The following ODAD4 variants were observed in gnomAD, a reference collection of about 807,000 sequenced individuals.
The protein encoded by ODAD4 is outer dynein arm-docking complex subunit 4.
In ODAD4, 49 loss-of-function variants were observed where a neutral mutation model predicts 51.8. The ratio of observed to expected loss-of-function variants is 0.95; its 90% confidence interval spans 0.75 to 1.20. ODAD4 has a LOEUF of 1.20. Ranked by LOEUF, ODAD4 falls within the 50% of genes most tolerant of loss-of-function variation. The pLI is 0.00. For missense variants in ODAD4, 590 were observed against 586.5 expected, an observed-to-expected ratio of 1.01 and a Z score of -0.06; for synonymous variants, 235 against 221.3, an observed-to-expected ratio of 1.06 and a Z score of -0.55.
At chr17:41,933,435 G>A (rs1351095088) in intron 1 of ODAD4, among the ~76,000 whole-genome samples, 6 of 151,740 alleles carry the variant, frequency 4.0e-5, no homozygotes, top group East Asian at 1.9e-4. Context: ...TGGATCACCT[G>A]AGGTCAGGTG....
Position 41,931,988 on chromosome 17 carries a change from C to G in ODAD4, c.114+1151C>G, listed in dbSNP as rs141758845. 3.7e-3 allele frequency among the ~76,000 whole-genome samples: 554 copies of G among 151,672 alleles called. 6 individuals are homozygous for G. Among genetic ancestry groups the G allele is most frequent in the African/African-American group, 0.013 (535 of 41,322 alleles). ...GTCTCCAGGCTGGAGTGCAATGGTG[C>G]GATCTTGGCTCACTGCAACCTCCAC... On this transcript the variant is annotated intron_variant, in intron 1 of 11. Transcript: ENST00000377540.
intron 5 of ODAD4, among the ~76,000 whole-genome samples, chr17:41,937,643 T>G (rs2050446686): frequency 6.6e-6 from 1 of 152,188 alleles, no homozygotes. Flanking sequence ...GCTAATTTTT[T>G]GTATTTTTAG....
chr17:41,964,750 T>A (rs964462284), intron 11 of ODAD4, among the ~76,000 whole-genome samples: 1 of 152,082 alleles, frequency 6.6e-6, no homozygotes, highest in Non-Finnish European at 1.5e-5. Context: ...CTCAAGCGAT[T>A]CTTCTGCCTC....
At chr17:41,943,971 G>A (rs921406173) in intron 7 of ODAD4, among the ~76,000 whole-genome samples, 13 of 152,168 alleles carry the variant, frequency 8.5e-5, no homozygotes, top group South Asian at 8.3e-4. Flanking sequence ...AGGCCGAGGC[G>A]GGTGAATCAC....
chr17:41,955,437 ATTTGT>A, intron 10 of ODAD4, 120 bp downstream of exon 10: 1 of 614,496 alleles, frequency 1.6e-6, no homozygotes, highest in Non-Finnish European at 2.9e-6. Flanking sequence ...TTGTTTGTTT[ATTTGT>A]TTTGAGACAG....
chr17:41,941,734 T>C (rs1305419182), intron 7 of ODAD4, among the ~76,000 whole-genome samples: 1 of 138,404 alleles, frequency 7.2e-6, no homozygotes, highest in Non-Finnish European at 1.5e-5. Flanking sequence ...TGAGCCGAGA[T>C]AGTGACTGGG....
chr17:41,932,537 T>G (rs143984260), intron 1 of ODAD4, among the ~76,000 whole-genome samples: 1,925 of 151,132 alleles, frequency 0.013, 25 homozygotes, highest in Non-Finnish European at 0.016. Flanking sequence ...AAACTGTTGT[T>G]TTTTTTTTGT....
At chr17:41,934,865 C>A (rs1305667276) in intron 1 of ODAD4, among the ~76,000 whole-genome samples, 1 of 152,140 alleles carries the variant, frequency 6.6e-6, no homozygotes, top group Non-Finnish European at 1.5e-5. Context: ...CCCTACAGTT[C>A]TATTGCCTGA....
At position 41,955,345 on chromosome 17, in the gene ODAD4, G is replaced by A. The variant is rs782332039; in HGVS notation, c.1443+28G>A. 3 of 756,582 alleles carry A rather than the reference G, an allele frequency of 4.0e-6. No homozygotes were observed. The South Asian group carries it at 4.2e-5, about 11-fold the overall frequency. 46.9% of individuals were successfully genotyped at this position (756,582 alleles called of 1,614,324 possible). A position where few individuals can be genotyped will look rare whatever the true frequency, so the allele number is the denominator to read the frequency against. ...GAGCCTTTCCACCCGCCGGGCTTCG[G>A]GTGTCAGGAGTGGGGTTGGGTGGTC... On this transcript the variant is annotated intron_variant, in intron 10 of 11. Transcript: ENST00000377540.
chr17:41,950,292 A>G (rs2144519559), intron 9 of ODAD4, among the ~76,000 whole-genome samples: 1 of 151,616 alleles, frequency 6.6e-6, no homozygotes, highest in Non-Finnish European at 1.5e-5. Flanking sequence ...TTGAATCATT[A>G]TGATGTAGGT....
At chr17:41,933,652 CAA>C (rs1184625891) in intron 1 of ODAD4, among the ~76,000 whole-genome samples, 1 of 137,466 alleles carries the variant, frequency 7.3e-6, no homozygotes. Flanking sequence ...AACGCCATCT[CAA>C]AAAAAAAAAA....
At chr17:41,964,716 TC>T (rs1486841443) in intron 11 of ODAD4, among the ~76,000 whole-genome samples, 1 of 152,094 alleles carries the variant, frequency 6.6e-6, no homozygotes, top group African/African-American at 2.4e-5. Context: ...GGATTTTGGC[TC>T]ATCACAGCCC....
intron 8 of ODAD4, among the ~76,000 whole-genome samples, chr17:41,946,390 A>G (rs150704510): frequency 0.013 from 2,010 of 152,256 alleles, 32 homozygotes; most frequent in Non-Finnish European, 0.019. Flanking sequence ...CAATGGCACA[A>G]TCTCAGCTCA....
chr17:41,957,448 C>T (rs1327358530), intron 10 of ODAD4, among the ~76,000 whole-genome samples: 2 of 152,206 alleles, frequency 1.3e-5, no homozygotes, highest in East Asian at 1.9e-4. Flanking sequence ...GCTCACTTGC[C>T]GACCCTCCGC....
intron 8 of ODAD4, among the ~76,000 whole-genome samples, chr17:41,947,040 G>T (rs1296989537): frequency 6.6e-6 from 1 of 150,458 alleles, no homozygotes; most frequent in Non-Finnish European, 1.5e-5. Flanking sequence ...AGTAGAGACG[G>T]GGTTTCCCCG....
Position 41,956,173 on chromosome 17 carries a change from G to A in ODAD4, c.1443+856G>A, listed in dbSNP as rs552142504. ...AACGATTCACCTGCCTCAGCCTCCCGAGTAGCTGGGATCACAGGCGCCCCC... is the reference window on the plus strand; with the variant it reads ...AACGATTCACCTGCCTCAGCCTCCCAAGTAGCTGGGATCACAGGCGCCCCC... On this transcript the variant is annotated intron_variant, in intron 10 of 11. Transcript: ENST00000377540. Among the ~76,000 whole-genome samples, 10 of 149,722 alleles carry A rather than the reference G, an allele frequency of 6.7e-5. No homozygotes were observed. In the East Asian group the frequency reaches 1.8e-3, roughly 27 times the overall value.
intron 9 of ODAD4, among the ~76,000 whole-genome samples, chr17:41,951,084 TTTC>T (rs2050644819): frequency 9.0e-6 from 1 of 111,302 alleles, no homozygotes; most frequent in South Asian, 3.9e-4. Context: ...CTCTGTAAAT[TTTC>T]TTCTTTTTTT....
chr17:41,962,109 G>A (rs1340283388), intron 11 of ODAD4, among the ~76,000 whole-genome samples: 1 of 152,212 alleles, frequency 6.6e-6, no homozygotes, highest in African/African-American at 2.4e-5. Flanking sequence ...TAGGCACTGG[G>A]TTAAGCACCA....
chr17:41,935,887 G>A, intron 3 of ODAD4, 138 bp downstream of exon 3: 1 of 1,054,900 alleles, frequency 9.5e-7, no homozygotes, highest in South Asian at 1.6e-5. Context: ...GGCTGCTGCA[G>A]TGTTGTTGAG....
Sources: gnomAD v4.1 joint callset for allele counts (sites outside exome capture counted in the v4.1 genomes callset) on GRCh38, gnomAD v4.1.1 for gene constraint, MANE v1.5 for transcripts, NCBI Gene and HGNC (gene_info 2026-07-23, HGNC 2026-07-21) for gene names.